ICOS: variants seen among roughly 807,000 people sequenced by gnomAD.
The protein encoded by ICOS is inducible T cell costimulator.
ICOS carries 15 observed loss-of-function variants against 24.6 expected under a neutral mutation model. The observed-to-expected ratio is 0.61, with a 90% CI of 0.41 to 0.94. The LOEUF (loss-of-function observed/expected upper bound fraction) is 0.94, where lower values mean the gene tolerates loss of function less well. Among genes scored for constraint, ICOS ranks in the 40% least tolerant of loss-of-function variants. The pLI, the probability that ICOS is intolerant of heterozygous loss-of-function variation, is 0.00. For synonymous variants in ICOS, 89 were observed against 77.5 expected (o/e 1.15, Z -0.78); for missense variants, 200 against 233.0 (o/e 0.86, Z 0.92).
Position 203,955,445 on chromosome 2 carries a change from T to C in ICOS, c.59-191T>C, listed in dbSNP as rs1690061083. On this transcript the variant is annotated intron_variant, in intron 1 of 4. Transcript: ENST00000316386. ...GACAAGCAAGTTTCTGGTTAGGATT[T>C]TTTTTTCTCTAGGACATAGTTTTAT... Among the ~76,000 whole-genome samples, 3 of 152,164 alleles carry C rather than the reference T, an allele frequency of 2.0e-5. No individual in the cohort carries two copies. The South Asian group carries it at 6.2e-4, about 31-fold the overall frequency.
chr2:203,937,174 T>A (rs955271806), intron 1 of ICOS, among the ~76,000 whole-genome samples: 5 of 152,184 alleles, frequency 3.3e-5, no homozygotes, highest in Non-Finnish European at 7.3e-5. Context: ...GGCTTACTGT[T>A]CTTAGAGAAA....
chr2:203,955,286 A>G (rs1690058022), intron 1 of ICOS, among the ~76,000 whole-genome samples: 1 of 152,170 alleles, frequency 6.6e-6, no homozygotes, highest in Non-Finnish European at 1.5e-5. Context: ...ATTATGTTGC[A>G]TTACTACATA....
chr2:203,948,227 T>C lies in ICOS; in HGVS notation c.59-7409T>C, dbSNP rs1440981712. 2.0e-5 allele frequency among the ~76,000 whole-genome samples: 3 copies of C among 152,236 alleles called. No homozygotes were observed. In the East Asian group the frequency reaches 5.8e-4, roughly 29 times the overall value. On this transcript the variant is annotated intron_variant, in intron 1 of 4. Coordinates refer to ENST00000316386, the MANE Select transcript of ICOS (RefSeq NM_012092.4). ...TTGGGGTAGTGTCTTGTATGCATGA[T>C]TGTGTATCTTCATACACTTGTTTCC...
At chr2:203,943,850 G>A (rs1189918494) in intron 1 of ICOS, among the ~76,000 whole-genome samples, 1 of 152,082 alleles carries the variant, frequency 6.6e-6, no homozygotes, top group African/African-American at 2.4e-5. Flanking sequence ...GAGATTCCCA[G>A]GTCACTGGAG....
Position 203,943,222 on chromosome 2 carries a change from A to G in ICOS, c.58+6350A>G, listed in dbSNP as rs571837598. Among the ~76,000 whole-genome samples the G allele has an allele frequency of 2.0e-5, 3 of 152,184 alleles. No individual in the cohort carries two copies. The South Asian group carries it at 6.2e-4, about 32-fold the overall frequency. On this transcript the variant is annotated intron_variant, in intron 1 of 4. Transcript: ENST00000316386. ...CTAGTGTGATTTTTTGGGGGTGTTG[A>G]AGAGCCTTGTTTTGTCATATTACCA...
intron 1 of ICOS, among the ~76,000 whole-genome samples, chr2:203,947,133 T>C (rs972895210): frequency 4.6e-5 from 7 of 152,296 alleles, no homozygotes; most frequent in Non-Finnish European, 8.8e-5. Flanking sequence ...ATAGTGCAAT[T>C]CTCAGGTGAA....
chr2:203,955,534 A>C, intron 1 of ICOS, 102 bp from the exon 2 acceptor site: 3 of 889,484 alleles, frequency 3.4e-6, no homozygotes, highest in Non-Finnish European at 3.7e-6. Flanking sequence ...TGCAACAGAG[A>C]TGACTTTATG....
In ICOS at chr2:203,938,846, A is replaced by C. The variant is rs1286964347; in HGVS notation, c.58+1974A>C. ...CACTCTCATTATAAAGAAAGCCATG[A>C]GATGTGGCATGCTGTTTGGCATGTG... On this transcript the variant is annotated intron_variant, in intron 1 of 4. Coordinates refer to ENST00000316386, the MANE Select transcript of ICOS (RefSeq NM_012092.4). Among the ~76,000 whole-genome samples the C allele has an allele frequency of 2.6e-5, 4 of 152,214 alleles. 1 individual carries two copies. The highest frequency in any genetic ancestry group is 5.9e-5 in the Non-Finnish European group (4 of 68,034).
At chr2:203,956,859 A>G in intron 3 of ICOS, 94 bp downstream of exon 3, 1 of 851,936 alleles carries the variant, frequency 1.2e-6, no homozygotes, top group Non-Finnish European at 2.0e-6. Context: ...TGTCAGAGTA[A>G]TTTGACCAAC....
rs2105756932 is a variant in ICOS, at chr2:203,959,571, G to A, written c.587-15G>A. On this transcript the variant is annotated splice_polypyrimidine_tract_variant and intron_variant, in intron 4 of 4. Coordinates refer to ENST00000316386, the MANE Select transcript of ICOS (RefSeq NM_012092.4). ...GGAGAGCATTTAGATAATTTATGCT[G>A]AATTTTTGTTACAGATGTGACCCTA... 1 of 1,612,188 alleles carries A rather than the reference G, an allele frequency of 6.2e-7. No homozygotes were observed. The highest frequency in any genetic ancestry group is 8.5e-7 in the Non-Finnish European group (1 of 1,178,408).
intron 4 of ICOS, 78 bp from the exon 5 acceptor site, chr2:203,959,508 A>G (rs2105756798): frequency 1.7e-6 from 2 of 1,203,674 alleles, no homozygotes; most frequent in South Asian, 1.2e-5. Context: ...ATGAAAGGCA[A>G]TGGAGAGGGG....
chr2:203,940,179 C>T (rs1689738084), intron 1 of ICOS, among the ~76,000 whole-genome samples: 1 of 152,162 alleles, frequency 6.6e-6, no homozygotes, highest in Non-Finnish European at 1.5e-5. Flanking sequence ...TAGTCCCCAT[C>T]CCCTGCACTG....
rs140598115 is a variant in ICOS at position 203,950,433 on chromosome 2, T to TG, written c.59-5198dup. On this transcript the variant is annotated intron_variant, in intron 1 of 4. Transcript: ENST00000316386. ...CCCATGAATTGGATTAAGCTATTCA[T>TG]GGGGGTTCTGCCAATCATCTCTTAA... Among the ~76,000 whole-genome samples, 803 of 152,308 alleles carry TG rather than the reference T, an allele frequency of 5.3e-3. 9 individuals are homozygous for TG. The highest frequency in any genetic ancestry group is 0.019 in the African/African-American group (775 of 41,558).
At chr2:203,954,300 G>T (rs1197922369) in intron 1 of ICOS, among the ~76,000 whole-genome samples, 1 of 152,154 alleles carries the variant, frequency 6.6e-6, no homozygotes, top group Non-Finnish European at 1.5e-5. Context: ...AAATGAAAAA[G>T]TGGGGCTGGG....
At chr2:203,955,584 G>C (rs1028572358) in intron 1 of ICOS, 52 bp from the exon 2 acceptor site, 23 of 1,406,914 alleles carry the variant, frequency 1.6e-5, no homozygotes, top group African/African-American at 2.8e-5. Flanking sequence ...ATAATTATTA[G>C]GGCAACATTA....
At chr2:203,943,576 C>A (rs915961933) in intron 1 of ICOS, among the ~76,000 whole-genome samples, 1 of 152,122 alleles carries the variant, frequency 6.6e-6, no homozygotes, top group African/African-American at 2.4e-5. Flanking sequence ...GTGCAATGGA[C>A]TCCATGAGGG....
At chr2:203,948,075 A>G (rs866649161) in intron 1 of ICOS, among the ~76,000 whole-genome samples, 2 of 152,182 alleles carry the variant, frequency 1.3e-5, no homozygotes, top group Non-Finnish European at 2.9e-5. Flanking sequence ...CTCCACAGAC[A>G]TATAAGAGCC....
chr2:203,947,038 G>T lies in ICOS; in HGVS notation c.59-8598G>T, dbSNP rs75379830. On this transcript the variant is annotated intron_variant, in intron 1 of 4. Coordinates refer to ENST00000316386, the MANE Select transcript of ICOS (RefSeq NM_012092.4). ...GCTTGCAAAGAGTCCCAGCAGGATG[G>T]GTCTGGGCATGAGCATCTTATACTG... Among the ~76,000 whole-genome samples, 796 of 152,236 alleles carry T rather than the reference G, an allele frequency of 5.2e-3. 8 individuals carry two copies. The highest frequency in any genetic ancestry group is 0.019 in the African/African-American group (769 of 41,528).
At chr2:203,957,778 G>A in intron 3 of ICOS, 21 bp from the exon 4 acceptor site, 10 of 1,568,442 alleles carry the variant, frequency 6.4e-6, no homozygotes, top group Non-Finnish European at 8.8e-6. Flanking sequence ...GACCAAGCAT[G>A]TTTCTGGCTT....
Sources: allele counts gnomAD v4.1 joint callset (sites outside exome capture counted in the v4.1 genomes callset), GRCh38; gene constraint gnomAD v4.1.1; transcripts MANE v1.5; gene names NCBI Gene and HGNC (gene_info 2026-07-23, HGNC 2026-07-21).